The following MOBP variants were observed in gnomAD, a reference collection of about 807,000 sequenced individuals.
MOBP encodes the protein myelin-associated oligodendrocyte basic protein.
In MOBP, 5 loss-of-function variants were observed where a neutral mutation model predicts 15.0. That is an observed-to-expected ratio of 0.33 (90% CI 0.17 to 0.70). The LOEUF is 0.70. MOBP is among the 30% of genes least tolerant of loss of function. MOBP has a pLI of 0.67. For synonymous variants in MOBP, 88 were observed against 99.0 expected (o/e 0.89, Z 0.66); for missense variants, 188 against 257.8 (o/e 0.73, Z 1.85).
At chr3:39,487,093 A>C (rs2042721478) in intron 2 of MOBP, among the ~76,000 whole-genome samples, 1 of 146,198 alleles carries the variant, frequency 6.8e-6, no homozygotes, top group African/African-American at 2.7e-5. Flanking sequence ...GGCATGTGAC[A>C]TCATGCCCAG....
At chr3:39,514,021 G>C (rs2043159357) in exon 5 of MOBP, 1 of 152,488 alleles carries the variant, frequency 6.6e-6, no homozygotes, top group Admixed American at 6.5e-5. Flanking sequence ...ATGATCCAGA[G>C]ATGCAAAGAA....
At chr3:39,497,207 C>A (rs1234016293) in intron 2 of MOBP, among the ~76,000 whole-genome samples, 2 of 152,220 alleles carry the variant, frequency 1.3e-5, no homozygotes, top group Non-Finnish European at 2.9e-5. Flanking sequence ...GCCTGTAGGT[C>A]ACACTTCCCT....
downstream of MOBP, among the ~76,000 whole-genome samples, chr3:39,518,601 AC>A (rs2043229611): frequency 6.6e-6 from 1 of 152,330 alleles, no homozygotes; most frequent in African/African-American, 2.4e-5. Flanking sequence ...TCTCTGAAAT[AC>A]ACTGAAAATA....
chr3:39,489,365 C>A, intron 2 of MOBP, among the ~76,000 whole-genome samples: 1 of 152,194 alleles, frequency 6.6e-6, no homozygotes, highest in East Asian at 1.9e-4. Context: ...GTACCCTAAG[C>A]TCTGTGAGCA....
intron 2 of MOBP, among the ~76,000 whole-genome samples, chr3:39,487,890 CAA>C (rs2042740939): frequency 6.6e-6 from 1 of 152,102 alleles, no homozygotes; most frequent in African/African-American, 2.4e-5. Context: ...TCACATGCCA[CAA>C]AAGACTGTTG....
chr3:39,495,901 C>T (rs1486205933), intron 2 of MOBP, among the ~76,000 whole-genome samples: 1 of 150,066 alleles, frequency 6.7e-6, no homozygotes, highest in East Asian at 1.9e-4. Flanking sequence ...GACAAAAGTA[C>T]TCAAAAAAAA....
chr3:39,522,187 G>T (rs1016664186), intron 3 of MOBP, among the ~76,000 whole-genome samples: 1 of 152,096 alleles, frequency 6.6e-6, no homozygotes, highest in Non-Finnish European at 1.5e-5. Context: ...GGGAATGAAG[G>T]TCTCTAAGCT....
downstream of MOBP, among the ~76,000 whole-genome samples, chr3:39,518,439 G>A (rs570796219): frequency 1.4e-4 from 22 of 152,298 alleles, no homozygotes; most frequent in South Asian, 2.3e-3. Context: ...GGTGGTGGAA[G>A]TCCTTCCTGT....
intron 1 of MOBP, among the ~76,000 whole-genome samples, chr3:39,473,314 G>A (rs2042496887): frequency 1.3e-5 from 2 of 152,212 alleles, no homozygotes; most frequent in South Asian, 4.1e-4. Flanking sequence ...TCACTCCCAG[G>A]AGGAGGGGGA....
downstream of MOBP, among the ~76,000 whole-genome samples, chr3:39,504,733 T>A (rs1198423099): frequency 6.6e-6 from 1 of 152,266 alleles, no homozygotes; most frequent in Non-Finnish European, 1.5e-5. Flanking sequence ...ATATTGTCTA[T>A]TCCTTTTATT....
At chr3:39,484,336 C>T (rs933325353) in intron 2 of MOBP, among the ~76,000 whole-genome samples, 1 of 152,116 alleles carries the variant, frequency 6.6e-6, no homozygotes, top group African/African-American at 2.4e-5. Context: ...CCTGAGGGGT[C>T]TATGTGCCGT....
chr3:39,490,965 G>C (rs1156397900), intron 2 of MOBP, among the ~76,000 whole-genome samples: 1 of 152,202 alleles, frequency 6.6e-6, no homozygotes, highest in Non-Finnish European at 1.5e-5. Flanking sequence ...AAAAAGGAAA[G>C]GGAAGGTTTA....
intron 2 of MOBP, among the ~76,000 whole-genome samples, chr3:39,481,969 CT>C (rs1475563534): frequency 6.6e-6 from 1 of 152,198 alleles, no homozygotes; most frequent in African/African-American, 2.4e-5. Flanking sequence ...ACTCTCATGG[CT>C]TCAATTGCTA....
chr3:39,513,635 C>G (rs1319458912), exon 5 of MOBP: 1 of 574,904 alleles, frequency 1.7e-6, no homozygotes, highest in African/African-American at 1.9e-5. Flanking sequence ...GTGTGTTGTA[C>G]TCCAGTCAGG....
chr3:39,510,269 A>G (rs1204629737), intron 4 of MOBP, among the ~76,000 whole-genome samples: 1 of 152,064 alleles, frequency 6.6e-6, no homozygotes, highest in Non-Finnish European at 1.5e-5. Flanking sequence ...ATTCTCCAAC[A>G]TTGTTCTTCA....
intron 1 of MOBP, among the ~76,000 whole-genome samples, chr3:39,475,743 G>A (rs915200551): frequency 8.6e-5 from 13 of 151,928 alleles, no homozygotes; most frequent in African/African-American, 2.9e-4. Flanking sequence ...TTTTTCACAT[G>A]TTGCCAACCC....
At chr3:39,475,059 T>C (rs1019884871) in intron 1 of MOBP, among the ~76,000 whole-genome samples, 2 of 152,226 alleles carry the variant, frequency 1.3e-5, no homozygotes, top group Admixed American at 1.3e-4. Flanking sequence ...CATTTAGTTA[T>C]CAGGTCTCTT....
exon 5 of MOBP, chr3:39,513,685 C>T (rs1350323517): frequency 1.1e-5 from 5 of 458,526 alleles, no homozygotes; most frequent in African/African-American, 2.0e-5. Context: ...GCTCAATGCA[C>T]AGTTCTTTTT....
At chr3:39,482,441 T>C (rs961416412) in intron 2 of MOBP, among the ~76,000 whole-genome samples, 5 of 151,802 alleles carry the variant, frequency 3.3e-5, no homozygotes, top group Non-Finnish European at 7.4e-5. Context: ...CATGAGGTCA[T>C]GAGATCAAGA....
Sources: allele counts gnomAD v4.1 joint callset (sites outside exome capture counted in the v4.1 genomes callset), GRCh38; gene constraint gnomAD v4.1.1; transcripts MANE v1.5; gene names NCBI Gene and HGNC (gene_info 2026-07-23, HGNC 2026-07-21).